GPR137: variants seen among roughly 807,000 people sequenced by gnomAD.
The protein encoded by GPR137 is G protein-coupled receptor 137.
GPR137 carries 20 observed loss-of-function variants against 38.9 expected under a neutral mutation model. That is an observed-to-expected ratio of 0.51 (90% CI 0.36 to 0.75). GPR137 has a LOEUF of 0.75. GPR137 is among the 30% of genes least tolerant of loss of function. The pLI is 0.00. For missense variants in GPR137, 456 were observed against 526.4 expected (o/e 0.87, Z 1.31); for synonymous variants, 226 against 235.8 (o/e 0.96, Z 0.38).
upstream of GPR137, chr11:64,271,690 G>GT (rs1203326442): frequency 6.8e-7 from 1 of 1,472,070 alleles, no homozygotes; most frequent in South Asian, 1.3e-5. Flanking sequence ...AGGTTGGGGG[G>GT]CGCCGAGCGC....
upstream of GPR137, among the ~76,000 whole-genome samples, chr11:64,281,461 GT>G (rs1412347630): frequency 6.6e-6 from 1 of 152,192 alleles, no homozygotes; most frequent in Non-Finnish European, 1.5e-5. Context: ...TCCTTTCCAG[GT>G]TTTTACTCAA....
upstream of GPR137, among the ~76,000 whole-genome samples, chr11:64,271,368 C>G (rs563745438): frequency 1.3e-4 from 14 of 111,316 alleles, no homozygotes; most frequent in African/African-American, 4.1e-4. Flanking sequence ...CAGATCCCAG[C>G]ATGCCCTGTG....
exon 1 of GPR137, chr11:64,275,721 C>T (rs937123821): frequency 6.6e-6 from 1 of 152,012 alleles, no homozygotes; most frequent in Non-Finnish European, 1.5e-5. Flanking sequence ...GGCCACAGGA[C>T]CACTACGCTT....
chr11:64,271,738 C>T (rs546500553), upstream of GPR137: 4 of 1,447,954 alleles, frequency 2.8e-6, no homozygotes, highest in Admixed American at 8.4e-5. Flanking sequence ...TCCCCCATCC[C>T]TTCGTCGTCC....
Position 64,288,053 on chromosome 11 carries a change from T to G in GPR137, c.634-12T>G. ...TCTCTCCCTGAGGGTCCTCTGTTGT[T>G]ACCTGTGCCAGGGGACCAGTGTGTG... is the stretch of plus-strand genomic sequence containing the variant. On this transcript the variant is annotated splice_polypyrimidine_tract_variant and intron_variant, in intron 3 of 6. Coordinates refer to ENST00000438980, the MANE Select transcript of GPR137 (RefSeq NM_001170880.2). This position sits in a 1 kb window ranked among gnomAD's most constrained non-coding sequence, Gnocchi z 5.5. The G allele has an allele frequency of 6.2e-7, 1 of 1,609,040 alleles. No individual in the cohort carries two copies. Among genetic ancestry groups the G allele is most frequent in the Non-Finnish European group, 8.5e-7 (1 of 1,179,934 alleles).
At chr11:64,279,015 C>T (rs1054882844) in intron 2 of GPR137, among the ~76,000 whole-genome samples, 3 of 152,220 alleles carry the variant, frequency 2.0e-5, no homozygotes, top group Admixed American at 6.5e-5. Context: ...CTCTTTCCTA[C>T]GGGTCTGCAG....
chr11:64,284,770 C>T (rs1010531924), upstream of GPR137: 2 of 1,535,328 alleles, frequency 1.3e-6, no homozygotes, highest in African/African-American at 2.7e-5. Context: ...TCGGGTAGGT[C>T]CAGAGGCGGG....
chr11:64,284,581 C>T (rs2033727229), upstream of GPR137: 2 of 1,494,326 alleles, frequency 1.3e-6, no homozygotes, highest in Admixed American at 2.1e-5. Flanking sequence ...CTCAGAACCC[C>T]GGTGGACCCA....
At chr11:64,284,284 C>T (rs151235996), upstream of GPR137, 113 of 1,611,784 alleles carry the variant, frequency 7.0e-5, no homozygotes, top group East Asian at 3.6e-4. Flanking sequence ...GAGGGCCCGT[C>T]CCCTGCGGGG....
Position 64,287,728 on chromosome 11 carries a change from G to A in GPR137, c.415G>A (p.Val139Ile). 6.2e-7 allele frequency: 1 copy of A among 1,604,346 alleles called. No individual in the cohort carries two copies. The highest frequency in any genetic ancestry group is 8.5e-7 in the Non-Finnish European group (1 of 1,179,906). ...ACTGTGCTGTGGCTGCAGGCTCGCT[G>A]TCCGAGGGGCCTTTGTGGGGGCCTC... Reference protein sequence around the residue: ...RPEMSRGLLAVRGAFVGASLL... With the variant: ...RPEMSRGLLAIRGAFVGASLL... The change falls in exon 3 of 7, where the codon GTC becomes ATC. Residue 139 changes from valine (V) to isoleucine (I), a missense_variant. Physicochemically the swap from Val to Ile is conservative, Grantham distance 29. Coordinates refer to ENST00000438980, the MANE Select transcript of GPR137 (RefSeq NM_001170880.2).
upstream of GPR137, among the ~76,000 whole-genome samples, chr11:64,280,093 G>A (rs889378820): frequency 5.9e-5 from 9 of 151,728 alleles, no homozygotes; most frequent in African/African-American, 7.2e-5. Flanking sequence ...CAAGGCGGGC[G>A]GATCACAAGG....
upstream of GPR137, chr11:64,271,764 T>TTTTTGA: frequency 1.4e-6 from 2 of 1,397,458 alleles, no homozygotes; most frequent in Non-Finnish European, 1.9e-6. Context: ...CCCCGCGGGG[T>TTTTTGA]AGGAGCTGTG....
At chr11:64,287,404 C>T (rs2034215729) in intron 2 of GPR137, 2 of 790,618 alleles carry the variant, frequency 2.5e-6, no homozygotes, top group South Asian at 1.1e-4. Context: ...TGTACAATTT[C>T]CCTGAGAGGC....
At chr11:64,270,748 T>G, upstream of GPR137, 3 of 469,418 alleles carry the variant, frequency 6.4e-6, no homozygotes, top group South Asian at 4.7e-5. Context: ...TGAGCCGTGA[T>G]CGCACCACTG....
intron 1 of GPR137, among the ~76,000 whole-genome samples, chr11:64,276,036 CTG>C (rs1175329697): frequency 6.6e-6 from 1 of 152,142 alleles, no homozygotes; most frequent in African/African-American, 2.4e-5. Flanking sequence ...GCTTCAGGGG[CTG>C]TGTGCTTAGC....
intron 2 of GPR137, chr11:64,276,668 A>G: frequency 2.0e-6 from 1 of 503,822 alleles, no homozygotes; most frequent in Admixed American, 3.7e-5. Flanking sequence ...ACAGGGAAAA[A>G]CCCTGGGGGA....
At chr11:64,275,152 G>C (rs543116214), upstream of GPR137, among the ~76,000 whole-genome samples, 1 of 151,830 alleles carries the variant, frequency 6.6e-6, no homozygotes, top group African/African-American at 2.4e-5. Context: ...CAAGACCCTG[G>C]AGGAGTGAGG....
upstream of GPR137, chr11:64,284,668 C>T (rs2033740987): frequency 2.6e-6 from 4 of 1,535,014 alleles, no homozygotes; most frequent in Non-Finnish European, 3.5e-6. Context: ...CCGGGCCTGC[C>T]GCCTCCCTCC....
At chr11:64,287,448 GC>G in intron 2 of GPR137, 1 of 627,370 alleles carries the variant, frequency 1.6e-6, no homozygotes, top group Non-Finnish European at 2.0e-6. Context: ...AGAAACTGAG[GC>G]CCAGCCAGGT....
Sources: gnomAD v4.1 joint callset for allele counts (sites outside exome capture counted in the v4.1 genomes callset) on GRCh38, gnomAD v4.1.1 for gene constraint, Gnocchi (gnomAD v3.1) non-coding constraint, MANE v1.5 for transcripts, NCBI Gene and HGNC (gene_info 2026-07-23, HGNC 2026-07-21) for gene names.